The following MAP2K6 variants were observed in gnomAD, a reference collection of about 807,000 sequenced individuals.
MAP2K6 encodes the protein mitogen-activated protein kinase kinase 6, also known as dual specificity mitogen-activated protein kinase kinase 6.
MAP2K6 carries 16 observed loss-of-function variants against 53.7 expected under a neutral mutation model. The ratio of observed to expected loss-of-function variants is 0.30; its 90% CI spans 0.20 to 0.45. The LOEUF is 0.45. Ranked by LOEUF, MAP2K6 falls within the 20% of genes least tolerant of loss-of-function variation. MAP2K6 has a pLI of 1.00. For synonymous variants in MAP2K6, 132 were observed against 143.1 expected (o/e 0.92, Z 0.55); for missense variants, 204 against 411.9 (o/e 0.50, Z 4.37).
chr17:69,541,763 G>T lies in MAP2K6; in HGVS notation c.*10G>T, dbSNP rs1911649046. Reference sequence around the variant, plus strand: ...GATTCTTGGAGACTAAAAAGCAGTGGACTTAATCGGTTGACCCTACTGTGG... The same window carrying T: ...GATTCTTGGAGACTAAAAAGCAGTGTACTTAATCGGTTGACCCTACTGTGG... On this transcript the variant is annotated 3_prime_UTR_variant, in exon 12 of 12. Coordinates refer to ENST00000590474, the MANE Select transcript of MAP2K6 (RefSeq NM_002758.4). The T allele has an allele frequency of 1.2e-6, 2 of 1,608,506 alleles. No individual in the cohort carries two copies. Among genetic ancestry groups the T allele is most frequent in the Non-Finnish European group, 1.7e-6 (2 of 1,175,878 alleles).
chr17:69,527,702 G>T (rs1364871357), intron 10 of MAP2K6, among the ~76,000 whole-genome samples: 1 of 152,200 alleles, frequency 6.6e-6, no homozygotes, highest in Non-Finnish European at 1.5e-5. Flanking sequence ...GTGACCCTGG[G>T]AGGGGAGCCG....
chr17:69,461,483 G>A (rs947139225), intron 1 of MAP2K6, among the ~76,000 whole-genome samples: 11 of 152,196 alleles, frequency 7.2e-5, no homozygotes, highest in Admixed American at 3.9e-4. Flanking sequence ...GTGAACCCGA[G>A]GGGTGGAAGA....
chr17:69,491,896 G>T (rs1215155392), intron 1 of MAP2K6, among the ~76,000 whole-genome samples: 2 of 152,008 alleles, frequency 1.3e-5, no homozygotes, highest in African/African-American at 4.8e-5. Context: ...TTTCACTGTG[G>T]TTTTAATGAT....
chr17:69,526,762 C>A, intron 10 of MAP2K6, 53 bp downstream of exon 10: 1 of 1,582,546 alleles, frequency 6.3e-7, no homozygotes, highest in South Asian at 1.1e-5. Context: ...GATGAGTTCT[C>A]ATGAATTTCT....
intron 1 of MAP2K6, among the ~76,000 whole-genome samples, chr17:69,495,878 C>T (rs1908927269): frequency 6.6e-6 from 1 of 152,018 alleles, no homozygotes; most frequent in East Asian, 1.9e-4. Flanking sequence ...CATTTCCTTG[C>T]GATCAATGCT....
At chr17:69,445,704 T>C (rs555280011) in intron 1 of MAP2K6, among the ~76,000 whole-genome samples, 9 of 152,298 alleles carry the variant, frequency 5.9e-5, no homozygotes, top group African/African-American at 2.2e-4. Flanking sequence ...AGAATTCTCT[T>C]TGGGTAACAA....
At chr17:69,528,584 C>T (rs886240913) in intron 10 of MAP2K6, among the ~76,000 whole-genome samples, 1 of 151,878 alleles carries the variant, frequency 6.6e-6, no homozygotes, top group Non-Finnish European at 1.5e-5. Context: ...AGGGGCCGGG[C>T]GTGGTGGCTC....
intron 1 of MAP2K6, among the ~76,000 whole-genome samples, chr17:69,470,191 G>A (rs905883358): frequency 6.6e-6 from 1 of 152,180 alleles, no homozygotes; most frequent in Admixed American, 6.5e-5. Flanking sequence ...ATAACAGAGC[G>A]AGACCCTGTT....
chr17:69,477,472 C>CA (rs942875044), intron 1 of MAP2K6: 1 of 152,116 alleles, frequency 6.6e-6, no homozygotes, highest in Non-Finnish European at 1.5e-5. Context: ...CTGGTACAGC[C>CA]AAAAATGAGG....
At chr17:69,536,697 T>C (rs1911377234) in intron 11 of MAP2K6, among the ~76,000 whole-genome samples, 1 of 152,224 alleles carries the variant, frequency 6.6e-6, no homozygotes, top group Non-Finnish European at 1.5e-5. Flanking sequence ...ATTCACAGTT[T>C]ATCACTTGCT....
chr17:69,467,339 T>C (rs1324467476), intron 1 of MAP2K6, among the ~76,000 whole-genome samples: 1 of 152,212 alleles, frequency 6.6e-6, no homozygotes, highest in Non-Finnish European at 1.5e-5. Flanking sequence ...CTTAATGATA[T>C]CTGACTGCTC....
At chr17:69,454,769 T>C (rs1490429486) in intron 1 of MAP2K6, among the ~76,000 whole-genome samples, 2 of 152,146 alleles carry the variant, frequency 1.3e-5, no homozygotes, top group Non-Finnish European at 2.9e-5. Context: ...CATAGGACAA[T>C]TCAAAAGGTA....
chr17:69,542,106 T>A lies in MAP2K6; in HGVS notation c.*353T>A, dbSNP rs1445569799. On this transcript the variant is annotated 3_prime_UTR_variant, in exon 12 of 12. Transcript: ENST00000590474. Reference sequence around the variant, plus strand: ...AGGTGCTACGGTAGTGATGAAATTATAAGTAGATTTGTAGTTTGTCCCATT... The same window carrying A: ...AGGTGCTACGGTAGTGATGAAATTAAAAGTAGATTTGTAGTTTGTCCCATT... The A allele has an allele frequency of 6.5e-6, 1 of 154,166 alleles. No homozygotes were observed. The highest frequency in any genetic ancestry group is 2.4e-5 in the African/African-American group (1 of 41,500). The allele number at this position is 154,166 out of a possible 1,614,324, so 9.5% of individuals were successfully genotyped here.
intron 1 of MAP2K6, among the ~76,000 whole-genome samples, chr17:69,442,680 C>G (rs921489702): frequency 3.9e-5 from 6 of 152,100 alleles, no homozygotes; most frequent in African/African-American, 1.4e-4. Context: ...AAACCTAGTT[C>G]CCTTTGTCCC....
At chr17:69,501,454 C>T (rs1197076463) in intron 1 of MAP2K6, among the ~76,000 whole-genome samples, 1 of 152,150 alleles carries the variant, frequency 6.6e-6, no homozygotes, top group Non-Finnish European at 1.5e-5. Context: ...TCAAAGCTAG[C>T]GAACATTTCT....
chr17:69,539,299 A>T (rs1026527391), intron 11 of MAP2K6, among the ~76,000 whole-genome samples: 1 of 152,152 alleles, frequency 6.6e-6, no homozygotes, highest in African/African-American at 2.4e-5. Context: ...AGTGAGACTA[A>T]ATGGTGTAAA....
chr17:69,493,780 A>AAAT (rs1555606732), intron 1 of MAP2K6, among the ~76,000 whole-genome samples: 60 of 151,520 alleles, frequency 4.0e-4, no homozygotes, highest in African/African-American at 8.7e-4. Flanking sequence ...GAAAAAAAAA[A>AAAT]ATATATGTAT....
intron 1 of MAP2K6, among the ~76,000 whole-genome samples, chr17:69,447,694 T>A (rs1384187665): frequency 6.6e-6 from 1 of 152,062 alleles, no homozygotes; most frequent in Admixed American, 6.6e-5. Context: ...GTAAAAGGCA[T>A]TGGAGGAGGA....
chr17:69,457,168 G>T (rs879565719), intron 1 of MAP2K6, among the ~76,000 whole-genome samples: 1 of 152,184 alleles, frequency 6.6e-6, no homozygotes, highest in East Asian at 1.9e-4. Context: ...GGTTTCTTCT[G>T]TTGAAGGATG....
Sources: gnomAD v4.1 joint callset for allele counts (sites outside exome capture counted in the v4.1 genomes callset) on GRCh38, gnomAD v4.1.1 for gene constraint, MANE v1.5 for transcripts, NCBI Gene and HGNC (gene_info 2026-07-23, HGNC 2026-07-21) for gene names.